Variants in NTRK2 observed in about 807,000 individuals in gnomAD.
NTRK2 encodes BDNF/NT-3 growth factors receptor.
In NTRK2, 13 loss-of-function variants were observed where a neutral mutation model predicts 94.5. The observed-to-expected ratio is 0.14, with a 90% CI of 0.09 to 0.22. NTRK2 has a LOEUF of 0.22. Among genes scored for constraint, NTRK2 ranks in the 10% least tolerant of loss-of-function variants. The pLI, the probability that NTRK2 is intolerant of heterozygous loss-of-function variation, is 1.00. For synonymous variants in NTRK2, 372 were observed against 407.4 expected (o/e 0.91, Z 1.05); for missense variants, 639 against 1,071.2 (o/e 0.60, Z 5.63).
chr9:85,021,740 C>T lies in NTRK2; in HGVS notation c.*303C>T, dbSNP rs201386787. On this transcript the variant is annotated 3_prime_UTR_variant, in exon 19 of 19. Coordinates refer to ENST00000277120, the MANE Select transcript of NTRK2 (RefSeq NM_006180.6). ...TCTTCCCTGCTTCACGATTCTTACCCTTTCTTTTGAATCAATCTGGCTTCT... is the reference window on the plus strand; with the variant it reads ...TCTTCCCTGCTTCACGATTCTTACCTTTTCTTTTGAATCAATCTGGCTTCT... 1.3e-5 allele frequency: 6 copies of T among 446,358 alleles called. No individual in the cohort carries two copies. The highest frequency in any genetic ancestry group is 7.5e-5 in the Admixed American group (2 of 26,546). 27.6% of individuals were successfully genotyped at this position (446,358 alleles called of 1,614,324 possible).
In NTRK2 at chr9:84,796,038, C is replaced by T. The variant is rs117234325; in HGVS notation, c.1396+43953C>T. ...CCTGCTCCCTATCTCACAGAACTGA[C>T]GCCAAGGCCTCCATGAATTGTGTCA... On this transcript the variant is annotated intron_variant, in intron 12 of 18. Transcript: ENST00000277120. Among the ~76,000 whole-genome samples, 1,043 of 152,008 alleles carry T rather than the reference C, an allele frequency of 6.9e-3. 6 individuals are homozygous for T. The highest frequency in any genetic ancestry group is 0.011 in the Non-Finnish European group (780 of 68,004).
chr9:84,924,778 C>T (rs571793866), intron 14 of NTRK2, among the ~76,000 whole-genome samples: 2 of 152,288 alleles, frequency 1.3e-5, no homozygotes, highest in South Asian at 4.1e-4. Flanking sequence ...AAGCCTTTCT[C>T]CCTCCACTCC....
chr9:84,770,448 C>G (rs969543823), intron 12 of NTRK2, among the ~76,000 whole-genome samples: 8 of 152,246 alleles, frequency 5.3e-5, no homozygotes, highest in Admixed American at 5.2e-4. Flanking sequence ...CTTCTTCCTC[C>G]CCTCCCTGTT....
At chr9:84,744,195 G>GA (rs1455489830) in intron 10 of NTRK2, among the ~76,000 whole-genome samples, 5 of 151,782 alleles carry the variant, frequency 3.3e-5, no homozygotes, top group African/African-American at 7.3e-5. Context: ...GACAACCCCT[G>GA]AAAAAAAATC....
chr9:84,930,942 A>G (rs1365533935), intron 14 of NTRK2, among the ~76,000 whole-genome samples: 2 of 152,182 alleles, frequency 1.3e-5, no homozygotes, highest in Non-Finnish European at 2.9e-5. Context: ...AGAAGAGTTG[A>G]CCTCAATTAA....
chr9:84,778,676 T>C (rs532178435), intron 12 of NTRK2, among the ~76,000 whole-genome samples: 1 of 152,282 alleles, frequency 6.6e-6, no homozygotes, highest in South Asian at 2.1e-4. Flanking sequence ...ACAGCAACAT[T>C]TTCCCAGAGA....
chr9:84,782,121 G>T (rs1427414743), intron 12 of NTRK2, among the ~76,000 whole-genome samples: 1 of 151,750 alleles, frequency 6.6e-6, no homozygotes, highest in Non-Finnish European at 1.5e-5. Flanking sequence ...GCAGGTTTTG[G>T]GATTTAAGCT....
chr9:84,928,311 T>G (rs185970644), intron 14 of NTRK2, among the ~76,000 whole-genome samples: 1 of 152,338 alleles, frequency 6.6e-6, no homozygotes, highest in East Asian at 1.9e-4. Flanking sequence ...GTTAATTTTA[T>G]TTTATATCAA....
At chr9:84,957,560 C>A (rs1824298701) in intron 17 of NTRK2, among the ~76,000 whole-genome samples, 1 of 152,072 alleles carries the variant, frequency 6.6e-6, no homozygotes, top group Non-Finnish European at 1.5e-5. Context: ...AATAAGACAC[C>A]ATTTCACACC....
At position 85,025,551 on chromosome 9, in the gene NTRK2, G is replaced by C. The variant is rs1327767799; in HGVS notation, c.*4114G>C. 1 of 233,114 alleles carries C rather than the reference G, an allele frequency of 4.3e-6. No individual in the cohort carries two copies. The highest frequency in any genetic ancestry group is 2.2e-5 in the African/African-American group (1 of 45,334). 14.4% of individuals were successfully genotyped at this position (233,114 alleles called of 1,614,324 possible). A position where few individuals can be genotyped will look rare whatever the true frequency, so the allele number is the denominator to read the frequency against. On this transcript the variant is annotated 3_prime_UTR_variant, in exon 19 of 19. Transcript: ENST00000277120. ...AAGCGTCCTAACAGCAGGATTACCTGGTCAAGTATGGACTTTCTTTGAATC... is the reference window on the plus strand; with the variant it reads ...AAGCGTCCTAACAGCAGGATTACCTCGTCAAGTATGGACTTTCTTTGAATC...
At chr9:84,952,679 C>G (rs1823623247) in intron 16 of NTRK2, among the ~76,000 whole-genome samples, 1 of 152,108 alleles carries the variant, frequency 6.6e-6, no homozygotes, top group Non-Finnish European at 1.5e-5. Context: ...GAGCCGTGTT[C>G]AGAAAGTTGA....
In NTRK2 at chr9:84,978,976, C is replaced by T. The variant is rs148362524; in HGVS notation, c.2172+23459C>T. On this transcript the variant is annotated intron_variant, in intron 17 of 18. Transcript: ENST00000277120. ...TAAGCCTGCTATTGCAACATGCTGCCTGGAAAAAAAGATTCCTTTCAAAAT... is the reference window on the plus strand; with the variant it reads ...TAAGCCTGCTATTGCAACATGCTGCTTGGAAAAAAAGATTCCTTTCAAAAT... 3.8e-3 allele frequency among the ~76,000 whole-genome samples: 580 copies of T among 152,224 alleles called. 3 individuals are homozygous for T. The highest frequency in any genetic ancestry group is 3.4e-3 in the Middle Eastern group (1 of 294).
At chr9:84,979,000 A>G (rs1313204145) in intron 17 of NTRK2, among the ~76,000 whole-genome samples, 2 of 152,206 alleles carry the variant, frequency 1.3e-5, no homozygotes, top group Non-Finnish European at 2.9e-5. Flanking sequence ...TCCTTTCAAA[A>G]TGTTACTGCT....
At position 84,724,247 on chromosome 9, in the gene NTRK2, C is replaced by T. The variant is rs1215793092; in HGVS notation, c.744C>T (p.Gly248=). Residue 248 remains glycine (G), a synonymous_variant, in exon 8 of 19, where the codon GGC becomes GGT. Coordinates refer to ENST00000277120, the MANE Select transcript of NTRK2 (RefSeq NM_006180.6). ...KHMNETSHTQ[G]SLRITNISSD... ...AGAATGAAACAAGCCACACACAGGG[C>T]TCCTTAAGGATAACTAACATTTCAT... is the stretch of plus-strand genomic sequence containing the variant. The T allele has an allele frequency of 1.9e-6, 3 of 1,614,054 alleles. No homozygotes were observed. Among genetic ancestry groups the T allele is most frequent in the East Asian group, 2.2e-5 (1 of 44,872 alleles).
intron 2 of NTRK2, among the ~76,000 whole-genome samples, chr9:84,672,082 T>C (rs1223539502): frequency 6.6e-6 from 1 of 152,110 alleles, no homozygotes; most frequent in Non-Finnish European, 1.5e-5. Context: ...GGCCTTCCGG[T>C]TGTCGAGTGC....
chr9:84,831,680 A>C (rs1455885248), intron 12 of NTRK2, among the ~76,000 whole-genome samples: 1 of 152,226 alleles, frequency 6.6e-6, no homozygotes, highest in Non-Finnish European at 1.5e-5. Context: ...AATAAATGTC[A>C]CAGCAAGAAT....
intron 17 of NTRK2, among the ~76,000 whole-genome samples, chr9:84,962,237 G>C (rs939691873): frequency 3.9e-5 from 6 of 152,196 alleles, no homozygotes; most frequent in Non-Finnish European, 7.3e-5. Flanking sequence ...CTAGAGCAGG[G>C]TCTCTCACCC....
intron 2 of NTRK2, among the ~76,000 whole-genome samples, chr9:84,679,665 G>C (rs567908295): frequency 1.3e-5 from 2 of 152,260 alleles, no homozygotes; most frequent in South Asian, 4.1e-4. Context: ...AAGACTCTGT[G>C]GTTCTGAATC....
chr9:84,803,634 A>G (rs550688004), intron 12 of NTRK2, among the ~76,000 whole-genome samples: 1 of 152,188 alleles, frequency 6.6e-6, no homozygotes, highest in South Asian at 2.1e-4. Flanking sequence ...GGACTTCAGC[A>G]GTTTCACCTT....
Sources: allele counts gnomAD v4.1 joint callset (sites outside exome capture counted in the v4.1 genomes callset), GRCh38; gene constraint gnomAD v4.1.1; transcripts MANE v1.5; gene names NCBI Gene and HGNC (gene_info 2026-07-23, HGNC 2026-07-21).